KIF13A: variants seen among roughly 807,000 people sequenced by gnomAD.
KIF13A encodes the protein kinesin-like protein KIF13A.
In KIF13A, 79 loss-of-function variants were observed where a neutral mutation model predicts 212.2. The observed-to-expected ratio is 0.37, with a 90% CI of 0.31 to 0.45. KIF13A has a LOEUF of 0.45. KIF13A is among the 20% of genes least tolerant of loss of function. KIF13A has a pLI of 1.00. For synonymous variants in KIF13A, 789 were observed against 808.6 expected (o/e 0.98, Z 0.41); for missense variants, 1,901 against 2,209.0 (o/e 0.86, Z 2.79).
rs1181417033 is a variant in KIF13A, at chr6:17,837,543, C to T, written c.871G>A (p.Asp291Asn). ...TLGLVISSLA[D>N]QAAGKGKSKF... Reference sequence around the variant, plus strand: ...CTTTTACCCTTGCCAGCTGCCTGGTCAGCCAGTGATGATATAACCAACCCC... The same window carrying T: ...CTTTTACCCTTGCCAGCTGCCTGGTTAGCCAGTGATGATATAACCAACCCC... The change falls in exon 10 of 39, where the codon GAC becomes AAC. Residue 291 changes from aspartate (D) to asparagine (N), a missense_variant. This residue lies in a region of KIF13A where 506 missense variants were observed against 637.4 expected (regional missense o/e 0.79). Transcript: ENST00000259711. The surrounding 1 kb of genome is among the most constrained non-coding windows in gnomAD (Gnocchi z 5.4). 3 of 1,609,348 alleles carry T rather than the reference C, an allele frequency of 1.9e-6. No individual in the cohort carries two copies. Among genetic ancestry groups the T allele is most frequent in the Middle Eastern group, 1.6e-4 (1 of 6,082 alleles).
At chr6:17,976,055 G>A (rs1470177951) in intron 2 of KIF13A, among the ~76,000 whole-genome samples, 1 of 152,336 alleles carries the variant, frequency 6.6e-6, no homozygotes, top group East Asian at 1.9e-4. Context: ...AATGCCGATT[G>A]GTGTATTTAC....
At chr6:17,781,112 G>A in intron 30 of KIF13A, 65 bp downstream of exon 30, 3 of 1,590,284 alleles carry the variant, frequency 1.9e-6, no homozygotes, top group South Asian at 1.1e-5. Flanking sequence ...GCAGTTTAGT[G>A]AGCAGGCCCA....
intron 2 of KIF13A, among the ~76,000 whole-genome samples, chr6:17,929,581 T>C (rs1775812972): frequency 6.6e-6 from 1 of 152,060 alleles, no homozygotes; most frequent in African/African-American, 2.4e-5. Context: ...TTTGTATTTT[T>C]AGTAGAGACG....
chr6:17,796,718 T>G lies in KIF13A; in HGVS notation c.2893A>C (p.Ile965Leu), dbSNP rs773800441. The G allele has an allele frequency of 3.1e-6, 5 of 1,589,330 alleles. No individual in the cohort carries two copies. The highest frequency in any genetic ancestry group is 4.3e-6 in the Non-Finnish European group (5 of 1,166,872). ...GCATGAAGAGAATCGACCTCCCAGATGGAGCTGCCATTTCCAGCACACCGG... is the reference window on the plus strand; with the variant it reads ...GCATGAAGAGAATCGACCTCCCAGAGGGAGCTGCCATTTCCAGCACACCGG... Reference protein sequence around the residue: ...GHRCAGNGSSIWEVDSLHAKT... With the variant: ...GHRCAGNGSSLWEVDSLHAKT... The change falls in exon 23 of 39, where the codon ATC becomes CTC. Residue 965 changes from isoleucine (I) to leucine (L), a missense_variant. Physicochemically the swap from Ile to Leu is conservative, Grantham distance 5 (BLOSUM62 2). Transcript: ENST00000259711.
rs1179799497 is a variant in KIF13A, at chr6:17,899,775, TATTTG to T, written c.147-1600_147-1596del. Among the ~76,000 whole-genome samples, 3 of 152,194 alleles carry T rather than the reference TATTTG, an allele frequency of 2.0e-5. No homozygotes were observed. The highest frequency in any genetic ancestry group is 6.5e-5 in the Admixed American group (1 of 15,286). ...GGCTGCCATCAAGCAAGTCTCAACATATTTGTATGTCTACCCTTTAAAACAAGATA... is the reference window on the plus strand; with the variant it reads ...GGCTGCCATCAAGCAAGTCTCAACATTATGTCTACCCTTTAAAACAAGATA... On this transcript the variant is annotated intron_variant, in intron 2 of 38. Coordinates refer to ENST00000259711, the MANE Select transcript of KIF13A (RefSeq NM_022113.6). This position sits in a 1 kb window ranked among gnomAD's most constrained non-coding sequence, Gnocchi z 5.2.
intron 9 of KIF13A, among the ~76,000 whole-genome samples, chr6:17,841,721 C>A (rs1272664819): frequency 1.3e-5 from 2 of 152,144 alleles, no homozygotes; most frequent in African/African-American, 2.4e-5. Flanking sequence ...AAATCTATTA[C>A]CATCCCCTTG....
At chr6:17,775,115 G>A in intron 34 of KIF13A, 53 bp from the exon 35 acceptor site, 2 of 1,405,594 alleles carry the variant, frequency 1.4e-6, no homozygotes, top group Non-Finnish European at 9.8e-7. Context: ...AATATAAGGG[G>A]TTTTTTTTAT....
intron 38 of KIF13A, among the ~76,000 whole-genome samples, chr6:17,766,170 C>T (rs1171655856): frequency 1.3e-5 from 2 of 151,870 alleles, no homozygotes; most frequent in African/African-American, 2.4e-5. Flanking sequence ...GAAGCATCAG[C>T]CTTACTCATT....
chr6:17,984,006 C>T lies in KIF13A; in HGVS notation c.146+3048G>A, dbSNP rs1473297556. Among the ~76,000 whole-genome samples, 1 of 152,184 alleles carries T rather than the reference C, an allele frequency of 6.6e-6. No homozygotes were observed. Among genetic ancestry groups the T allele is most frequent in the Non-Finnish European group, 1.5e-5 (1 of 68,036 alleles). On this transcript the variant is annotated intron_variant, in intron 2 of 38. Transcript: ENST00000259711. The surrounding 1 kb of genome is among the most constrained non-coding windows in gnomAD (Gnocchi z 5.0). The stretch of plus-strand genomic sequence containing the variant: ...ACCTTGGGTAGCATCCACAGCCCCT[C>T]CTCAATGCTCCCATCACATTTGCTA...
rs150390988 is a variant in KIF13A at position 17,845,915 on chromosome 6, T to C, written c.830+3462A>G. Among the ~76,000 whole-genome samples the C allele has an allele frequency of 7.9e-5, 12 of 152,296 alleles. No individual in the cohort carries two copies. In the East Asian group the frequency reaches 2.3e-3, roughly 29 times the overall value. ...CAGCCCATTAAGCAGACACTGACGT[T>C]TGTGTGAAGTCCCTGACAGGCCTGC... On this transcript the variant is annotated intron_variant, in intron 9 of 38. Coordinates refer to ENST00000259711, the MANE Select transcript of KIF13A (RefSeq NM_022113.6).
At chr6:17,835,527 TA>T (rs1282529111) in intron 11 of KIF13A, among the ~76,000 whole-genome samples, 1 of 152,174 alleles carries the variant, frequency 6.6e-6, no homozygotes, top group African/African-American at 2.4e-5. Flanking sequence ...TAAATTATAA[TA>T]AAAATCAGCA....
intron 17 of KIF13A, among the ~76,000 whole-genome samples, chr6:17,814,810 GATT>G (rs1763780549): frequency 1.3e-5 from 2 of 152,182 alleles, no homozygotes; most frequent in South Asian, 4.1e-4. Flanking sequence ...TGGTAGTGGT[GATT>G]ATTATTATTA....
chr6:17,948,051 ACT>A (rs1364135907), intron 2 of KIF13A, among the ~76,000 whole-genome samples: 1 of 152,222 alleles, frequency 6.6e-6, no homozygotes, highest in East Asian at 1.9e-4. Context: ...GAGACTAGAA[ACT>A]CAGCACAGGA....
At position 17,851,988 on chromosome 6, in the gene KIF13A, A is replaced by G; in HGVS notation, c.549T>C (p.Asp183=). 3.2e-6 allele frequency: 5 copies of G among 1,557,368 alleles called. No individual in the cohort carries two copies. The highest frequency in any genetic ancestry group is 4.3e-6 in the Non-Finnish European group (5 of 1,155,610). The change falls in exon 7 of 39, where the codon GAT becomes GAC. Residue 183 remains aspartate, a synonymous_variant. Transcript: ENST00000259711. ...REHKVLGPYV[D]GLSQLAVTSF... ...TAGTGACAGCTAGTTGAGATAAACCATCTACATATGGTCCCAAAACTTTAT... is the reference window on the plus strand; with the variant it reads ...TAGTGACAGCTAGTTGAGATAAACCGTCTACATATGGTCCCAAAACTTTAT...
intron 2 of KIF13A, among the ~76,000 whole-genome samples, chr6:17,972,828 AGT>A (rs1779926862): frequency 3.5e-5 from 3 of 86,444 alleles, no homozygotes; most frequent in African/African-American, 5.7e-5. Flanking sequence ...TTTGAGAGAG[AGT>A]GAGAAAAAAA....
At chr6:17,877,715 G>A (rs538740790) in intron 3 of KIF13A, among the ~76,000 whole-genome samples, 71 of 145,526 alleles carry the variant, frequency 4.9e-4, no homozygotes, top group African/African-American at 1.6e-3. Context: ...CTTATATCCC[G>A]GGCACTGTGC....
chr6:17,954,842 T>G (rs1407852477), intron 2 of KIF13A, among the ~76,000 whole-genome samples: 1 of 151,962 alleles, frequency 6.6e-6, no homozygotes, highest in Non-Finnish European at 1.5e-5. Context: ...CCTGGCTAAT[T>G]AAGAAAAAAA....
intron 3 of KIF13A, among the ~76,000 whole-genome samples, chr6:17,893,517 T>C (rs1376353396): frequency 6.6e-6 from 1 of 152,232 alleles, no homozygotes. Context: ...TACAACCTTA[T>C]TGTACCTTAT....
chr6:17,773,388 C>A lies in KIF13A; in HGVS notation c.4324+90G>T. 2 of 680,774 alleles carry A rather than the reference C, an allele frequency of 2.9e-6. No individual in the cohort carries two copies. The highest frequency in any genetic ancestry group is 2.6e-5 in the East Asian group (1 of 38,400). The allele number at this position is 680,774 out of a possible 1,614,324, so 42.2% of individuals were successfully genotyped here. A position where few individuals can be genotyped will look rare whatever the true frequency, so the allele number is the denominator to read the frequency against. ...GTTAACTAGAATATCAGCTTCATAT[C>A]TTATTATATGCCATTAATGAAAGAC... On this transcript the variant is annotated intron_variant, in intron 36 of 38. Transcript: ENST00000259711. The surrounding 1 kb of genome is among the most constrained non-coding windows in gnomAD (Gnocchi z 4.2).
Sources: allele counts gnomAD v4.1 joint callset (sites outside exome capture counted in the v4.1 genomes callset), GRCh38; gene constraint gnomAD v4.1.1; regional missense constraint gnomAD v4.1.1; non-coding constraint Gnocchi (gnomAD v3.1); transcripts MANE v1.5; gene names NCBI Gene and HGNC (gene_info 2026-07-23, HGNC 2026-07-21).